The following KAZN variants were observed in gnomAD, a reference collection of about 807,000 sequenced individuals.
KAZN encodes the protein kazrin.
In KAZN, 40 loss-of-function variants were observed where a neutral mutation model predicts 87.4. The ratio of observed to expected loss-of-function variants is 0.46; its 90% CI spans 0.36 to 0.60. The LOEUF (loss-of-function observed/expected upper bound fraction) is 0.60. Among genes scored for constraint, KAZN ranks in the 20% least tolerant of loss-of-function variants. The pLI is 0.00. For missense variants in KAZN, 898 were observed against 1,073.9 expected, an observed-to-expected ratio of 0.84 and a Z score of 2.29; for synonymous variants, 466 against 458.3, an observed-to-expected ratio of 1.02 and a Z score of -0.22.
rs920409657 is a variant in KAZN at position 15,101,102 on chromosome 1, C to G, written c.1548-441C>G. Among the ~76,000 whole-genome samples the G allele has an allele frequency of 4.6e-5, 7 of 151,908 alleles. No individual in the cohort carries two copies. In the South Asian group the frequency reaches 8.3e-4, roughly 18 times the overall value. ...TCGCTGCGTCTGAGTGTGGGATTCT[C>G]TCTTCCTGTTCCCTTCCGTTTGTTT... On this transcript the variant is annotated intron_variant, in intron 10 of 14. Transcript: ENST00000376030.
intron 2 of KAZN, among the ~76,000 whole-genome samples, chr1:14,379,340 C>T (rs1661175068): frequency 1.3e-5 from 2 of 151,958 alleles, no homozygotes; most frequent in Non-Finnish European, 2.9e-5. Context: ...GGAGAGACTC[C>T]TTCCGATTGA....
rs1321489374 is a variant in KAZN at position 14,528,353 on chromosome 1, A to G, written c.250-70630A>G. The stretch of plus-strand genomic sequence containing the variant: ...ACTCCATCTCAAAAAAAAAAAAAAA[A>G]AAAAAAAAGAAAGAAAAAAAGGAAA... On this transcript the variant is annotated intron_variant, in intron 2 of 16. Transcript: ENST00000636203. Among the ~76,000 whole-genome samples, 37 of 150,616 alleles carry G rather than the reference A, an allele frequency of 2.5e-4. No individual in the cohort carries two copies. In the South Asian group the frequency reaches 5.3e-3, roughly 22 times the overall value.
intron 1 of KAZN, among the ~76,000 whole-genome samples, chr1:14,802,645 G>C (rs555295496): frequency 5.3e-5 from 8 of 152,298 alleles, no homozygotes; most frequent in Non-Finnish European, 7.4e-5. Flanking sequence ...GTGCTTCCAC[G>C]ATCAGGGGGT....
intron 2 of KAZN, among the ~76,000 whole-genome samples, chr1:14,564,490 A>G (rs1299484281): frequency 2.0e-5 from 3 of 152,048 alleles, no homozygotes; most frequent in Non-Finnish European, 2.9e-5. Context: ...GGCTTGCTGT[A>G]TGAACTAAAT....
chr1:15,067,451 G>C lies in KAZN; in HGVS notation c.1222+1698G>C, dbSNP rs939737856. ...CCAGGGGACGGAGGATGTGTGAGCT[G>C]TTCAGCAAGGTCTGCCCAAGGCCTA... On this transcript the variant is annotated intron_variant, in intron 8 of 14. Coordinates refer to ENST00000376030, the MANE Select transcript of KAZN (RefSeq NM_201628.3). The C allele has an allele frequency of 7.1e-6, 7 of 985,360 alleles. No individual in the cohort carries two copies. The African/African-American group carries it at 1.2e-4, about 17-fold the overall frequency. 61.0% of individuals were successfully genotyped at this position (985,360 alleles called of 1,614,324 possible).
chr1:14,268,999 C>T (rs966993154), intron 2 of KAZN, among the ~76,000 whole-genome samples: 1 of 152,184 alleles, frequency 6.6e-6, no homozygotes, highest in African/African-American at 2.4e-5. Flanking sequence ...GTACAAATTA[C>T]CAGATTTGCT....
intron 4 of KAZN, among the ~76,000 whole-genome samples, chr1:15,051,876 A>G (rs1357387692): frequency 1.3e-5 from 2 of 152,258 alleles, no homozygotes; most frequent in Non-Finnish European, 2.9e-5. Context: ...TCAAGGTTAC[A>G]CAGCAAGTTA....
intron 1 of KAZN, among the ~76,000 whole-genome samples, chr1:14,144,626 C>G (rs1645307491): frequency 1.3e-5 from 2 of 152,192 alleles, no homozygotes; most frequent in African/African-American, 4.8e-5. Context: ...AACAGAATAC[C>G]TGAGACCAGG....
At chr1:14,044,985 T>C (rs905938358) in intron 1 of KAZN, among the ~76,000 whole-genome samples, 25 of 152,056 alleles carry the variant, frequency 1.6e-4, no homozygotes, top group Admixed American at 6.5e-5. Flanking sequence ...AAGACCACTA[T>C]GCTATGAGAA....
chr1:14,938,624 A>C (rs1276831580), intron 1 of KAZN, among the ~76,000 whole-genome samples: 1 of 151,818 alleles, frequency 6.6e-6, no homozygotes, highest in Non-Finnish European at 1.5e-5. Context: ...AGAGTCCAAT[A>C]CTCAATAGGA....
chr1:14,363,542 T>C (rs1335911359), intron 2 of KAZN, among the ~76,000 whole-genome samples: 2 of 152,186 alleles, frequency 1.3e-5, no homozygotes, highest in East Asian at 1.9e-4. Context: ...TGAAACAGGT[T>C]TTCTCAGCAC....
chr1:13,977,093 G>T (rs1253820521), intron 1 of KAZN, among the ~76,000 whole-genome samples: 1 of 152,204 alleles, frequency 6.6e-6, no homozygotes, highest in African/African-American at 2.4e-5. Flanking sequence ...CATTGTTGGT[G>T]AGGATCAGAG....
At chr1:14,534,506 G>A (rs1454992287) in intron 2 of KAZN, among the ~76,000 whole-genome samples, 6 of 152,114 alleles carry the variant, frequency 3.9e-5, no homozygotes, top group South Asian at 2.1e-4. Context: ...TTAGCCAGGC[G>A]TGGTGGCGGG....
chr1:15,003,392 A>G (rs920185383), intron 2 of KAZN, among the ~76,000 whole-genome samples: 1 of 152,122 alleles, frequency 6.6e-6, no homozygotes, highest in Non-Finnish European at 1.5e-5. Context: ...CCATGAATAG[A>G]TTCATTATCT....
intron 1 of KAZN, among the ~76,000 whole-genome samples, chr1:14,938,965 T>A (rs2101626344): frequency 6.6e-6 from 1 of 152,264 alleles, no homozygotes; most frequent in Middle Eastern, 3.4e-3. Context: ...TTATTCATTT[T>A]TTGTTTGATT....
intron 4 of KAZN, among the ~76,000 whole-genome samples, chr1:15,046,224 G>A (rs1215401295): frequency 6.7e-6 from 1 of 150,254 alleles, no homozygotes; most frequent in Non-Finnish European, 1.5e-5. Context: ...TTTGAACCCG[G>A]GAGGCGGAGG....
intron 1 of KAZN, among the ~76,000 whole-genome samples, chr1:14,706,048 G>A (rs1168089393): frequency 6.6e-6 from 1 of 152,084 alleles, no homozygotes; most frequent in Admixed American, 6.5e-5. Flanking sequence ...ATCATCAGCA[G>A]CATTCGATTT....
At chr1:14,533,068 G>C (rs1363664324) in intron 2 of KAZN, among the ~76,000 whole-genome samples, 2 of 152,170 alleles carry the variant, frequency 1.3e-5, no homozygotes, top group Non-Finnish European at 2.9e-5. Flanking sequence ...AGAAAAACAT[G>C]TGTTTTTAGA....
At position 15,056,801 on chromosome 1, in the gene KAZN, C is replaced by T. The variant is rs1199331063; in HGVS notation, c.916+521C>T. Among the ~76,000 whole-genome samples the T allele has an allele frequency of 2.0e-5, 3 of 152,184 alleles. No homozygotes were observed. The highest frequency in any genetic ancestry group is 7.2e-5 in the African/African-American group (3 of 41,450). On this transcript the variant is annotated intron_variant, in intron 5 of 14. Coordinates refer to ENST00000376030, the MANE Select transcript of KAZN (RefSeq NM_201628.3). The surrounding 1 kb of genome is among the most constrained non-coding windows in gnomAD (Gnocchi z 5.4). ...CTGATGTCAATGTCACAGGTGTTTG[C>T]TCCAGGCACTCGGCAGGGAAGTCTG...
Sources: allele counts gnomAD v4.1 joint callset (sites outside exome capture counted in the v4.1 genomes callset), GRCh38; gene constraint gnomAD v4.1.1; non-coding constraint Gnocchi (gnomAD v3.1); transcripts MANE v1.5; gene names NCBI Gene and HGNC (gene_info 2026-07-23, HGNC 2026-07-21).